FARS2: variants seen among roughly 807,000 people sequenced by gnomAD.
FARS2 encodes the protein phenylalanyl-tRNA synthetase 2, mitochondrial.
Under a neutral mutation model 46.4 loss-of-function variants are expected in FARS2, and 40 were observed. The ratio of observed to expected loss-of-function variants is 0.86; its 90% confidence interval spans 0.67 to 1.12. The LOEUF is 1.12. Ranked by LOEUF, FARS2 falls within the 50% of genes most tolerant of loss-of-function variation. The pLI is 0.00. For missense variants in FARS2, 513 were observed against 567.9 expected, an observed-to-expected ratio of 0.90 and a Z score of 0.98; for synonymous variants, 234 against 214.9, an observed-to-expected ratio of 1.09 and a Z score of -0.78.
At chr6:5,404,414 G>A in intron 2 of FARS2, 128 bp from the exon 3 acceptor site, 1 of 526,710 alleles carries the variant, frequency 1.9e-6, no homozygotes, top group South Asian at 4.1e-5. Context: ...TTATTGACAG[G>A]ACATAATGAG....
intron 1 of FARS2, among the ~76,000 whole-genome samples, chr6:5,265,290 G>A (rs1023165716): frequency 6.6e-6 from 1 of 152,190 alleles, no homozygotes; most frequent in African/African-American, 2.4e-5. Flanking sequence ...CAAGCATGGA[G>A]GAAGAAGGGT....
chr6:5,738,907 A>G (rs1442170569), intron 6 of FARS2, among the ~76,000 whole-genome samples: 1 of 152,142 alleles, frequency 6.6e-6, no homozygotes, highest in Non-Finnish European at 1.5e-5. Context: ...GGTTATATTC[A>G]TAATATTTAA....
intron 6 of FARS2, among the ~76,000 whole-genome samples, chr6:5,631,933 T>C (rs899128201): frequency 3.3e-5 from 5 of 152,144 alleles, no homozygotes; most frequent in African/African-American, 1.2e-4. Context: ...CTGTGAAAAA[T>C]AGCTATTATG....
At chr6:5,386,584 A>C (rs1401500286) in intron 2 of FARS2, among the ~76,000 whole-genome samples, 1 of 152,196 alleles carries the variant, frequency 6.6e-6, no homozygotes, top group Non-Finnish European at 1.5e-5. Context: ...AGGCTAAGCC[A>C]AGGAAATGGC....
chr6:5,640,139 G>GGGGT (rs1554119732), intron 6 of FARS2, among the ~76,000 whole-genome samples: 2 of 149,788 alleles, frequency 1.3e-5, no homozygotes, highest in African/African-American at 2.5e-5. Flanking sequence ...ACTTTTGTCA[G>GGGGT]GTGTGTGTGT....
At chr6:5,658,586 T>C (rs760957315) in intron 6 of FARS2, among the ~76,000 whole-genome samples, 1 of 152,236 alleles carries the variant, frequency 6.6e-6, no homozygotes, top group Non-Finnish European at 1.5e-5. Context: ...GAAATGTATA[T>C]GGCACAGCAT....
At chr6:5,716,920 TTG>T (rs1489143035) in intron 6 of FARS2, among the ~76,000 whole-genome samples, 2 of 152,156 alleles carry the variant, frequency 1.3e-5, no homozygotes, top group African/African-American at 4.8e-5. Flanking sequence ...CTCCCAAAGC[TTG>T]TGTGGAGACT....
In FARS2 at chr6:5,613,243, T is replaced by C; in HGVS notation, c.1140T>C (p.Asp380=). ...CCTCTGAGAATTACGCAGAAAATGA[T>C]TTCTATGACTTAGTCCGAACAATTG... ...WLPSENYAEN[D]FYDLVRTIGG... Residue 380 remains aspartate (D), a synonymous_variant, in exon 6 of 7, where the codon GAT becomes GAC. Transcript: ENST00000274680. 1 of 1,613,566 alleles carries C rather than the reference T, an allele frequency of 6.2e-7. No individual in the cohort carries two copies. Among genetic ancestry groups the C allele is most frequent in the Non-Finnish European group, 8.5e-7 (1 of 1,179,642 alleles).
intron 5 of FARS2, among the ~76,000 whole-genome samples, chr6:5,570,582 C>CT (rs1561720803): frequency 1.3e-5 from 2 of 152,176 alleles, no homozygotes; most frequent in East Asian, 3.8e-4. Flanking sequence ...ACCTTGTTAA[C>CT]TACACACCTG....
chr6:5,284,093 A>G (rs1251697244), intron 1 of FARS2, among the ~76,000 whole-genome samples: 2 of 151,966 alleles, frequency 1.3e-5, no homozygotes, highest in Non-Finnish European at 2.9e-5. Flanking sequence ...CAAACTGCAC[A>G]TTAAAAATAC....
At chr6:5,339,923 A>G (rs1771434231) in intron 1 of FARS2, among the ~76,000 whole-genome samples, 1 of 152,252 alleles carries the variant, frequency 6.6e-6, no homozygotes, top group Admixed American at 6.5e-5. Context: ...TGACAAGGAC[A>G]GAGAGCTTAA....
At chr6:5,332,573 T>C (rs375448910) in intron 1 of FARS2, among the ~76,000 whole-genome samples, 4 of 152,372 alleles carry the variant, frequency 2.6e-5, no homozygotes, top group South Asian at 4.1e-4. Context: ...CTAAAGTAGC[T>C]GAGTTACTCC....
chr6:5,341,223 ATATATATATATATTTTTTTTTT>A (rs1477168448), intron 1 of FARS2, among the ~76,000 whole-genome samples: 7 of 5,300 alleles, frequency 1.3e-3, no homozygotes, highest in African/African-American at 4.8e-3. Flanking sequence ...ATATATATAT[ATATATATATATATTTTTTTTTT>A]TTTTTTTTTT....
At chr6:5,746,790 C>G (rs1366024991) in intron 6 of FARS2, among the ~76,000 whole-genome samples, 1 of 152,078 alleles carries the variant, frequency 6.6e-6, no homozygotes, top group Middle Eastern at 3.2e-3. Context: ...TTTATTAAAC[C>G]CTTGCTGTTT....
chr6:5,265,397 T>TATTTAGAC (rs1765483160), intron 1 of FARS2, among the ~76,000 whole-genome samples: 1 of 152,228 alleles, frequency 6.6e-6, no homozygotes, highest in Non-Finnish European at 1.5e-5. Flanking sequence ...AGCTTTATTT[T>TATTTAGAC]AGTGATGTTT....
intron 6 of FARS2, among the ~76,000 whole-genome samples, chr6:5,750,732 G>T (rs956659700): frequency 6.6e-6 from 1 of 152,042 alleles, no homozygotes. Context: ...GGGGAGTTGT[G>T]ATTTTGGTGG....
chr6:5,391,687 G>T (rs1219973195), intron 2 of FARS2, among the ~76,000 whole-genome samples: 3 of 152,024 alleles, frequency 2.0e-5, no homozygotes, highest in Non-Finnish European at 4.4e-5. Context: ...GCCACTTGTA[G>T]GATTTTGCAA....
chr6:5,675,033 G>T (rs993252844), intron 6 of FARS2, among the ~76,000 whole-genome samples: 5 of 152,138 alleles, frequency 3.3e-5, no homozygotes, highest in Middle Eastern at 3.4e-3. Flanking sequence ...ATTACTATGG[G>T]GAATTAATAA....
chr6:5,521,768 A>G (rs569560827), intron 4 of FARS2, among the ~76,000 whole-genome samples: 26 of 152,226 alleles, frequency 1.7e-4, no homozygotes, highest in Middle Eastern at 6.8e-3. Flanking sequence ...GTCCTCAGAC[A>G]TTCAAGGATT....
Sources: gnomAD v4.1 joint callset for allele counts (sites outside exome capture counted in the v4.1 genomes callset) on GRCh38, gnomAD v4.1.1 for gene constraint, MANE v1.5 for transcripts, NCBI Gene and HGNC (gene_info 2026-07-23, HGNC 2026-07-21) for gene names.